CTNNA3: variants seen among roughly 807,000 people sequenced by gnomAD.
The protein encoded by CTNNA3 is catenin alpha 3, also known as catenin alpha-3.
CTNNA3 carries 76 observed loss-of-function variants against 95.7 expected under a neutral mutation model. The observed-to-expected ratio is 0.79, with a 90% CI of 0.66 to 0.96. CTNNA3 has a LOEUF of 0.96. Among genes scored for constraint, CTNNA3 ranks in the 40% least tolerant of loss-of-function variants. The probability of loss-of-function intolerance (pLI) is 0.00; values close to 1 mark genes in which losing one functional copy is unlikely to be tolerated. For synonymous variants in CTNNA3, 431 were observed against 374.4 expected, an observed-to-expected ratio of 1.15 and a Z score of -1.74; for missense variants, 1,191 against 1,089.8, an observed-to-expected ratio of 1.09 and a Z score of -1.31.
chr10:67,059,959 G>A (rs1412801093), intron 7 of CTNNA3, among the ~76,000 whole-genome samples: 1 of 152,148 alleles, frequency 6.6e-6, no homozygotes, highest in Non-Finnish European at 1.5e-5. Context: ...CTACAAATAT[G>A]TTGAGGGAGA....
intron 12 of CTNNA3, among the ~76,000 whole-genome samples, chr10:66,319,554 G>T (rs2092153070): frequency 6.6e-6 from 1 of 152,062 alleles, no homozygotes; most frequent in South Asian, 2.1e-4. Context: ...CTAGAACATA[G>T]AATATGAACA....
chr10:67,742,703 G>T (rs1841347788), intron 1 of CTNNA3, among the ~76,000 whole-genome samples: 1 of 151,082 alleles, frequency 6.6e-6, no homozygotes, highest in Non-Finnish European at 1.5e-5. Context: ...AAAAATTAAT[G>T]AATCCAGGAG....
At chr10:66,541,051 A>T (rs1457124216) in intron 10 of CTNNA3, among the ~76,000 whole-genome samples, 1 of 152,080 alleles carries the variant, frequency 6.6e-6, no homozygotes, top group Non-Finnish European at 1.5e-5. Flanking sequence ...TTTTCTCTCA[A>T]AAAGAAAAAA....
intron 15 of CTNNA3, among the ~76,000 whole-genome samples, chr10:66,017,918 T>C (rs1354602235): frequency 6.6e-6 from 1 of 152,056 alleles, no homozygotes; most frequent in East Asian, 1.9e-4. Context: ...TCATATCCTA[T>C]ACGGCCTCCT....
At chr10:67,191,603 CACAA>C (rs1192950259) in intron 6 of CTNNA3, among the ~76,000 whole-genome samples, 2 of 151,856 alleles carry the variant, frequency 1.3e-5, no homozygotes, top group East Asian at 3.9e-4. Flanking sequence ...AAATTGAAGA[CACAA>C]ACAAATGAAA....
intron 7 of CTNNA3, among the ~76,000 whole-genome samples, chr10:67,095,932 TA>T (rs1857963430): frequency 1.3e-5 from 2 of 151,884 alleles, no homozygotes; most frequent in Non-Finnish European, 2.9e-5. Context: ...TTATTTATTT[TA>T]AATGGAAGTA....
intron 13 of CTNNA3, among the ~76,000 whole-genome samples, chr10:66,177,072 A>C (rs181976099): frequency 4.5e-4 from 68 of 152,264 alleles, no homozygotes; most frequent in Non-Finnish European, 9.1e-4. Flanking sequence ...TAACACTCAC[A>C]ATGCAGAATA....
At chr10:67,045,587 G>A (rs1259769070) in intron 7 of CTNNA3, among the ~76,000 whole-genome samples, 1 of 152,200 alleles carries the variant, frequency 6.6e-6, no homozygotes, top group Non-Finnish European at 1.5e-5. Context: ...AACTTCCATT[G>A]CGTGACGGGC....
At chr10:67,459,152 A>G (rs1042740930) in intron 5 of CTNNA3, among the ~76,000 whole-genome samples, 1 of 152,236 alleles carries the variant, frequency 6.6e-6, no homozygotes, top group Non-Finnish European at 1.5e-5. Context: ...CAACAGTGCC[A>G]TCAGTAGAAA....
rs2078492407 is a variant in CTNNA3 at position 65,989,368 on chromosome 10, A to T, written c.2160-571T>A. Reference sequence around the variant, plus strand: ...TGCAGAGAAGATGAAGACCTTTTTGATCTTCATTCCCAGGTGTTTATTATA... The same window carrying T: ...TGCAGAGAAGATGAAGACCTTTTTGTTCTTCATTCCCAGGTGTTTATTATA... On this transcript the variant is annotated intron_variant, in intron 15 of 17. Transcript: ENST00000433211. 3.9e-5 allele frequency among the ~76,000 whole-genome samples: 6 copies of T among 152,180 alleles called. No homozygotes were observed. The South Asian group carries it at 1.2e-3, about 32-fold the overall frequency.
At position 67,283,823 on chromosome 10, in the gene CTNNA3, CGGACCTGTTT is replaced by C. The variant is rs550748463; in HGVS notation, c.580-63963_580-63954del. 8.7e-4 allele frequency among the ~76,000 whole-genome samples: 133 copies of C among 152,268 alleles called. 1 individual carries two copies. The highest frequency in any genetic ancestry group is 3.0e-3 in the African/African-American group (123 of 41,556). On this transcript the variant is annotated intron_variant, in intron 5 of 17. Coordinates refer to ENST00000433211, the MANE Select transcript of CTNNA3 (RefSeq NM_013266.4). ...AGGAGGCAAGAATTGAAGGTTGCTG[CGGACCTGTTT>C]GGACTCGCCACCACTAACAATATCC... is the stretch of plus-strand genomic sequence containing the variant.
chr10:67,722,309 G>A (rs1022580780), intron 1 of CTNNA3, among the ~76,000 whole-genome samples: 3 of 152,108 alleles, frequency 2.0e-5, no homozygotes, highest in East Asian at 3.9e-4. Context: ...GGTTAGGAGA[G>A]GATTGTTTCA....
chr10:66,265,956 G>A (rs572098708), intron 13 of CTNNA3, among the ~76,000 whole-genome samples: 292 of 151,098 alleles, frequency 1.9e-3, no homozygotes, highest in Middle Eastern at 0.01. Flanking sequence ...TTATTGGCCC[G>A]TAGTACGTAC....
At chr10:66,229,212 T>C (rs12411995) in intron 13 of CTNNA3, among the ~76,000 whole-genome samples, 17,763 of 152,264 alleles carry the variant, frequency 0.12, 1,117 homozygotes, top group African/African-American at 0.15. Flanking sequence ...CCCTTTGTTT[T>C]CTTCTCTGCC....
chr10:66,944,746 C>CA (rs1227262690), intron 7 of CTNNA3, among the ~76,000 whole-genome samples: 1 of 152,128 alleles, frequency 6.6e-6, no homozygotes, highest in Non-Finnish European at 1.5e-5. Flanking sequence ...CTTTGAAAGT[C>CA]AAAATTATTC....
chr10:67,233,089 T>A (rs1293116309), intron 5 of CTNNA3, among the ~76,000 whole-genome samples: 5 of 152,158 alleles, frequency 3.3e-5, no homozygotes, highest in Non-Finnish European at 7.3e-5. Flanking sequence ...ACTGTCAACA[T>A]TAGACAGATC....
rs561142681 is a variant in CTNNA3 at position 66,806,630 on chromosome 10, C to T, written c.1048-31106G>A. On this transcript the variant is annotated intron_variant, in intron 7 of 17. Transcript: ENST00000433211. ...CCAAACACTGTGCCAGGATTCCATA[C>T]GCAGATATACTCAATGGAAGGCTAA... Among the ~76,000 whole-genome samples, 273 of 151,906 alleles carry T rather than the reference C, an allele frequency of 1.8e-3. 1 individual carries two copies. Among genetic ancestry groups the T allele is most frequent in the African/African-American group, 6.0e-3 (250 of 41,472 alleles).
At chr10:66,347,019 T>C (rs1269553767) in intron 12 of CTNNA3, among the ~76,000 whole-genome samples, 1 of 151,920 alleles carries the variant, frequency 6.6e-6, no homozygotes, top group Non-Finnish European at 1.5e-5. Context: ...ACAACAAATA[T>C]CAGATTTACA....
intron 13 of CTNNA3, among the ~76,000 whole-genome samples, chr10:66,209,038 T>C (rs2087947824): frequency 6.6e-6 from 1 of 152,166 alleles, no homozygotes; most frequent in South Asian, 2.1e-4. Flanking sequence ...TATATTTTTA[T>C]GCAAATGCAT....
Sources: gnomAD v4.1 joint callset for allele counts (sites outside exome capture counted in the v4.1 genomes callset) on GRCh38, gnomAD v4.1.1 for gene constraint, MANE v1.5 for transcripts, NCBI Gene and HGNC (gene_info 2026-07-23, HGNC 2026-07-21) for gene names.